GRM5: variants seen among roughly 807,000 people sequenced by gnomAD.
GRM5 encodes the protein glutamate metabotropic receptor 5.
Under a neutral mutation model 83.1 loss-of-function variants are expected in GRM5, and 19 were observed. That is an observed-to-expected ratio of 0.23 (90% CI 0.16 to 0.34). The LOEUF is 0.34. Among genes scored for constraint, GRM5 ranks in the 10% least tolerant of loss-of-function variants. The pLI, the probability that GRM5 is intolerant of heterozygous loss-of-function variation, is 1.00. For synonymous variants in GRM5, 675 were observed against 633.6 expected (o/e 1.07, Z -0.98); for missense variants, 1,160 against 1,588.3 (o/e 0.73, Z 4.58).
intron 2 of GRM5, among the ~76,000 whole-genome samples, chr11:89,018,188 T>C (rs1182329416): frequency 2.6e-5 from 4 of 152,156 alleles, no homozygotes. Context: ...AATGATTTAG[T>C]GAATGAAGCT....
chr11:88,589,411 A>ATT (rs145841911), intron 7 of GRM5, among the ~76,000 whole-genome samples: 1 of 150,352 alleles, frequency 6.7e-6, no homozygotes, highest in African/African-American at 2.4e-5. Context: ...ATTAAATCAG[A>ATT]TTTTTTTTTT....
chr11:88,663,010 G>A (rs762900938), intron 3 of GRM5, among the ~76,000 whole-genome samples: 8 of 152,110 alleles, frequency 5.3e-5, no homozygotes, highest in Non-Finnish European at 7.4e-5. Context: ...AATAATACAC[G>A]CATTTTTCTT....
chr11:89,057,788 C>T (rs1218967678), intron 1 of GRM5, among the ~76,000 whole-genome samples: 7 of 152,042 alleles, frequency 4.6e-5, no homozygotes, highest in South Asian at 2.1e-4. Context: ...TGCTTGAGAC[C>T]GTGGTTTTAC....
intron 3 of GRM5, among the ~76,000 whole-genome samples, chr11:88,744,526 T>G (rs1591482874): frequency 6.6e-6 from 1 of 152,154 alleles, no homozygotes; most frequent in Non-Finnish European, 1.5e-5. Context: ...ACCTATGGTA[T>G]GAAAATGCAC....
chr11:88,867,676 G>T (rs1277466719), intron 2 of GRM5, among the ~76,000 whole-genome samples: 5 of 151,402 alleles, frequency 3.3e-5, no homozygotes, highest in Non-Finnish European at 7.4e-5. Context: ...AGCTGAATGG[G>T]GTCCTTATAG....
chr11:88,741,950 G>A (rs1163502625), intron 3 of GRM5, among the ~76,000 whole-genome samples: 1 of 151,986 alleles, frequency 6.6e-6, no homozygotes, highest in Non-Finnish European at 1.5e-5. Context: ...AAACAATATG[G>A]AAGTGGCCCA....
intron 2 of GRM5, among the ~76,000 whole-genome samples, chr11:88,998,949 C>G (rs1940281011): frequency 1.3e-5 from 2 of 152,028 alleles, no homozygotes; most frequent in Admixed American, 6.5e-5. Context: ...CTACAACTAT[C>G]CGATCTTTGA....
In GRM5 at chr11:89,047,825, G is replaced by A. The variant is rs1282661431; in HGVS notation, c.48C>T (p.Val16=). 4 of 1,613,914 alleles carry A rather than the reference G, an allele frequency of 2.5e-6. No individual in the cohort carries two copies. Among genetic ancestry groups the A allele is most frequent in the East Asian group, 2.2e-5 (1 of 44,858 alleles). ...TCTCACTGGACTGTGCACTCCCACG[G>A]ACATCTTCTTTCAAAAGTAAGACTG... The part of the protein sequence containing the change: ...ILSVLLLKED[V]RGSAQSSERR... The change falls in exon 2 of 10, where the codon GTC becomes GTT. Residue 16 remains valine (V), a synonymous_variant. Transcript: ENST00000305447. The surrounding 1 kb of genome is among the most constrained non-coding windows in gnomAD (Gnocchi z 5.1).
At chr11:89,019,984 A>G (rs1297137095) in intron 2 of GRM5, among the ~76,000 whole-genome samples, 1 of 152,110 alleles carries the variant, frequency 6.6e-6, no homozygotes, top group East Asian at 1.9e-4. Flanking sequence ...ATTAGGAAGT[A>G]CCTCATAATC....
chr11:88,652,993 A>G (rs17832888), intron 4 of GRM5, among the ~76,000 whole-genome samples, 175 bp downstream of exon 4: 8,499 of 152,116 alleles, frequency 0.056, 221 homozygotes, highest in Middle Eastern at 0.071. Context: ...ACTTGCTCTG[A>G]TATGTTTTTC....
intron 3 of GRM5, among the ~76,000 whole-genome samples, chr11:88,833,977 TA>T (rs1176415329): frequency 6.6e-6 from 1 of 152,090 alleles, no homozygotes; most frequent in Non-Finnish European, 1.5e-5. Flanking sequence ...GGGTAGGGCG[TA>T]AATAAGAGAG....
At chr11:88,786,849 T>C (rs1290214365) in intron 3 of GRM5, among the ~76,000 whole-genome samples, 4 of 152,116 alleles carry the variant, frequency 2.6e-5, no homozygotes, top group African/African-American at 9.7e-5. Flanking sequence ...TCTGTTCGTT[T>C]TGCTAATTGC....
chr11:89,039,047 T>C (rs1018757687), intron 2 of GRM5, among the ~76,000 whole-genome samples: 2 of 151,966 alleles, frequency 1.3e-5, no homozygotes, highest in Non-Finnish European at 2.9e-5. Flanking sequence ...AGGCAGATCA[T>C]GAGGTCAGGA....
At chr11:88,518,034 A>G (rs1417966045) in intron 9 of GRM5, among the ~76,000 whole-genome samples, 1 of 152,068 alleles carries the variant, frequency 6.6e-6, no homozygotes, top group East Asian at 1.9e-4. Flanking sequence ...GTATTAGATA[A>G]GATGAGAATT....
intron 3 of GRM5, among the ~76,000 whole-genome samples, chr11:88,706,640 G>A (rs1941166000): frequency 6.6e-6 from 1 of 152,014 alleles, no homozygotes; most frequent in African/African-American, 2.4e-5. Context: ...TTTTAAAACT[G>A]CTTTCTAAGG....
intron 3 of GRM5, among the ~76,000 whole-genome samples, chr11:88,796,394 C>T (rs1943274067): frequency 6.6e-6 from 1 of 152,090 alleles, no homozygotes; most frequent in Admixed American, 6.6e-5. Context: ...ATAATGTATG[C>T]TGAATAAGTG....
intron 3 of GRM5, among the ~76,000 whole-genome samples, chr11:88,745,667 G>C (rs567254036): frequency 6.6e-6 from 1 of 152,236 alleles, no homozygotes; most frequent in South Asian, 2.1e-4. Context: ...CAAAAAGATG[G>C]AAAACTTAAG....
At chr11:88,728,400 A>C (rs908086603) in intron 3 of GRM5, among the ~76,000 whole-genome samples, 23 of 152,258 alleles carry the variant, frequency 1.5e-4, no homozygotes, top group Non-Finnish European at 1.2e-4. Flanking sequence ...AACCAAAAAA[A>C]AAGCCCAGGA....
intron 4 of GRM5, among the ~76,000 whole-genome samples, chr11:88,623,440 T>G (rs1038289697): frequency 6.6e-6 from 1 of 152,130 alleles, no homozygotes; most frequent in Non-Finnish European, 1.5e-5. Flanking sequence ...AGAGACCACT[T>G]ATATTGTCCT....
Sources: allele counts gnomAD v4.1 joint callset (sites outside exome capture counted in the v4.1 genomes callset), GRCh38; gene constraint gnomAD v4.1.1; non-coding constraint Gnocchi (gnomAD v3.1); transcripts MANE v1.5; gene names NCBI Gene and HGNC (gene_info 2026-07-23, HGNC 2026-07-21).